The following A4GALT variants were observed in gnomAD, a reference collection of about 807,000 sequenced individuals.
A4GALT encodes alpha 1,4-galactosyltransferase (P1PK blood group), also known as lactosylceramide 4-alpha-galactosyltransferase.
For synonymous variants in A4GALT, 257 were observed against 220.7 expected (o/e 1.16, Z -1.46); for missense variants, 512 against 486.0 (o/e 1.05, Z -0.50).
chr22:42,709,342 GC>G (rs66463955), intron 1 of A4GALT, among the ~76,000 whole-genome samples: 20,898 of 71,818 alleles, frequency 0.29, 2,397 homozygotes, highest in East Asian at 0.68. Flanking sequence ...ACTGTGCCAG[GC>G]CAAAAAAAAA....
Position 42,693,936 on chromosome 22 carries a change from C to G in A4GALT, c.16G>C (p.Asp6His). MSKPP[D>H]LLLRLLRGAP... ...CCCCGGAGCAGCCGCAGCAGGAGGT[C>G]GGGGGGCTTGGACATGGTATCCCCA... is the stretch of plus-strand genomic sequence containing the variant. Residue 6 changes from aspartate (D) to histidine (H), a missense_variant, in exon 3 of 3, where the codon GAC (aspartate) becomes CAC (histidine). Transcript: ENST00000642412. 1.3e-6 allele frequency: 2 copies of G among 1,590,790 alleles called. No homozygotes were observed.
chr22:42,707,713 C>G (rs982086673), intron 1 of A4GALT, among the ~76,000 whole-genome samples: 1 of 152,214 alleles, frequency 6.6e-6, no homozygotes, highest in African/African-American at 2.4e-5. Flanking sequence ...TCCATATCTA[C>G]AGGATACAGC....
At chr22:42,719,690 C>T (rs5758897) in intron 1 of A4GALT, among the ~76,000 whole-genome samples, 31,485 of 151,948 alleles carry the variant, frequency 0.21, 4,044 homozygotes, top group East Asian at 0.67. Context: ...CTATGGGACC[C>T]TGGGCAGGGT....
At position 42,692,387 on chromosome 22, in the gene A4GALT, CA is replaced by C; in HGVS notation, c.*502del. 3.0e-6 allele frequency: 1 copy of C among 329,716 alleles called. No homozygotes were observed. The highest frequency in any genetic ancestry group is 6.0e-6 in the Non-Finnish European group (1 of 167,048). The allele number at this position is 329,716 out of a possible 1,614,324, so 20.4% of individuals were successfully genotyped here. On this transcript the variant is annotated 3_prime_UTR_variant, in exon 3 of 3. Transcript: ENST00000642412. The surrounding 1 kb of genome is among the most constrained non-coding windows in gnomAD (Gnocchi z 4.6). ...CCACTCAGTCCCTGTTGACCTCCCC[CA>C]CCCCCCGCGAAAGAGGAACCAAAAC...
intron 1 of A4GALT, among the ~76,000 whole-genome samples, chr22:42,698,051 C>T (rs1046543181): frequency 6.6e-6 from 1 of 152,004 alleles, no homozygotes; most frequent in Non-Finnish European, 1.5e-5. Context: ...GAGATTAAGA[C>T]CATCCTGGCC....
Position 42,692,785 on chromosome 22 carries a change from T to C in A4GALT, c.*105A>G, listed in dbSNP as rs773919238. On this transcript the variant is annotated 3_prime_UTR_variant, in exon 3 of 3. Coordinates refer to ENST00000642412, the MANE Select transcript of A4GALT (RefSeq NM_017436.7). The surrounding 1 kb of genome is among the most constrained non-coding windows in gnomAD (Gnocchi z 4.6). ...TCCTCAACAGCCTGCCTAAGCCCGG[T>C]GGCAGCTCGGGCCTCCCTCTCCCGG... 2.2e-6 allele frequency: 3 copies of C among 1,368,918 alleles called. No individual in the cohort carries two copies. Among genetic ancestry groups the C allele is most frequent in the Admixed American group, 1.8e-5 (1 of 54,146 alleles). The allele number at this position is 1,368,918 out of a possible 1,614,324, so 84.8% of individuals were successfully genotyped here.
chr22:42,704,180 G>T (rs1477149902), intron 1 of A4GALT, among the ~76,000 whole-genome samples: 2 of 151,978 alleles, frequency 1.3e-5, no homozygotes, highest in African/African-American at 4.8e-5. Context: ...GGAAGTAATT[G>T]GTATAAGAAG....
intron 1 of A4GALT, among the ~76,000 whole-genome samples, chr22:42,711,060 TA>T (rs1234279506): frequency 3.4e-5 from 5 of 149,118 alleles, no homozygotes; most frequent in African/African-American, 1.2e-4. Flanking sequence ...TGGGACAACT[TA>T]AATGCAGCTC....
Position 42,720,344 on chromosome 22 carries a change from C to A in A4GALT, c.-188+453G>T, listed in dbSNP as rs903769469. Among the ~76,000 whole-genome samples the A allele has an allele frequency of 2.0e-5, 3 of 152,348 alleles. No homozygotes were observed. In the East Asian group the frequency reaches 5.8e-4, roughly 29 times the overall value. ...CCTCCTGCCGGCCGCTCTCCATCCC[C>A]GTCCCCGGTCGCATCCGCTCCGGGG... On this transcript the variant is annotated intron_variant, in intron 1 of 2. Transcript: ENST00000642412.
intron 1 of A4GALT, among the ~76,000 whole-genome samples, chr22:42,698,534 G>T (rs533664230): frequency 6.6e-6 from 1 of 152,310 alleles, no homozygotes; most frequent in African/African-American, 2.4e-5. Flanking sequence ...CCAACAAAAC[G>T]GAGTCCGCAC....
chr22:42,710,278 A>G (rs756368062), intron 1 of A4GALT, among the ~76,000 whole-genome samples: 3 of 152,222 alleles, frequency 2.0e-5, no homozygotes, highest in Non-Finnish European at 4.4e-5. Context: ...AAAACTAAAG[A>G]TGGTAGTATA....
rs72619538 is a variant in A4GALT, at chr22:42,710,476, G to A, written c.-188+10321C>T. Among the ~76,000 whole-genome samples, 13 of 152,170 alleles carry A rather than the reference G, an allele frequency of 8.5e-5. No homozygotes were observed. The East Asian group carries it at 2.5e-3, about 29-fold the overall frequency. ...TTTAGGAGGCTGAGGCAGCCAGATT[G>A]CTTGAGCCCAGGAGTTCAAGACCAG... On this transcript the variant is annotated intron_variant, in intron 1 of 2. Coordinates refer to ENST00000642412, the MANE Select transcript of A4GALT (RefSeq NM_017436.7).
At chr22:42,713,829 AAGAC>A (rs1170485898) in intron 1 of A4GALT, among the ~76,000 whole-genome samples, 6,489 of 126,064 alleles carry the variant, frequency 0.051, 211 homozygotes, top group Non-Finnish European at 0.076. Flanking sequence ...AAAAAAAAAA[AAGAC>A]AGACAGACAG....
In A4GALT at chr22:42,692,870, G is replaced by A. The variant is rs2059850270; in HGVS notation, c.*20C>T. On this transcript the variant is annotated 3_prime_UTR_variant, in exon 3 of 3. Coordinates refer to ENST00000642412, the MANE Select transcript of A4GALT (RefSeq NM_017436.7). The surrounding 1 kb of genome is among the most constrained non-coding windows in gnomAD (Gnocchi z 4.6). The stretch of plus-strand genomic sequence containing the variant: ...AGTGCCCCATCAGGAGCAGGTTGGG[G>A]AGGTGACCTGGCGGGCCCCTCACAA... 1.9e-6 allele frequency: 3 copies of A among 1,598,800 alleles called. No homozygotes were observed. Among genetic ancestry groups the A allele is most frequent in the Admixed American group, 1.7e-5 (1 of 59,994 alleles).
intron 1 of A4GALT, among the ~76,000 whole-genome samples, chr22:42,704,204 C>T (rs752609968): frequency 1.9e-4 from 29 of 152,090 alleles, no homozygotes; most frequent in Admixed American, 5.2e-4. Context: ...TGTTTGTGCC[C>T]AGGCGCAGTG....
chr22:42,710,302 A>C, intron 1 of A4GALT, among the ~76,000 whole-genome samples: 1 of 152,258 alleles, frequency 6.6e-6, no homozygotes, highest in Admixed American at 6.5e-5. Context: ...ACACACACTT[A>C]AATATAAATA....
At chr22:42,709,117 C>T (rs1025940454) in intron 1 of A4GALT, among the ~76,000 whole-genome samples, 17 of 148,654 alleles carry the variant, frequency 1.1e-4, no homozygotes, top group African/African-American at 2.2e-4. Flanking sequence ...TGCAGTGGCA[C>T]GATCATGGCT....
intron 1 of A4GALT, among the ~76,000 whole-genome samples, chr22:42,703,274 G>C (rs912304991): frequency 4.2e-5 from 2 of 47,916 alleles, no homozygotes; most frequent in African/African-American, 1.4e-4. Flanking sequence ...TTTTTTTTTT[G>C]AGACAGAGTC....
intron 1 of A4GALT, among the ~76,000 whole-genome samples, chr22:42,702,159 G>A (rs149344947): frequency 1.3e-5 from 2 of 151,904 alleles, no homozygotes; most frequent in East Asian, 1.9e-4. Flanking sequence ...AGCAGACACC[G>A]GGATGCCTTT....
Sources: allele counts gnomAD v4.1 joint callset (sites outside exome capture counted in the v4.1 genomes callset), GRCh38; gene constraint gnomAD v4.1.1; non-coding constraint Gnocchi (gnomAD v3.1); transcripts MANE v1.5; gene names NCBI Gene and HGNC (gene_info 2026-07-23, HGNC 2026-07-21).